The following CACNA2D3 variants were observed in gnomAD, a reference collection of about 807,000 sequenced individuals.
CACNA2D3 encodes calcium voltage-gated channel auxiliary subunit alpha2delta 3.
CACNA2D3 carries 60 observed loss-of-function variants against 160.6 expected under a neutral mutation model. The observed-to-expected ratio is 0.37, with a 90% confidence interval of 0.30 to 0.46. The LOEUF is 0.46. Among genes scored for constraint, CACNA2D3 ranks in the 20% least tolerant of loss-of-function variants. The pLI, the probability that CACNA2D3 is intolerant of heterozygous loss-of-function variation, is 1.00. For synonymous variants in CACNA2D3, 558 were observed against 492.9 expected, an observed-to-expected ratio of 1.13 and a Z score of -1.75; for missense variants, 1,205 against 1,365.0, an observed-to-expected ratio of 0.88 and a Z score of 1.85.
intron 10 of CACNA2D3, among the ~76,000 whole-genome samples, chr3:54,629,144 A>G (rs1699181628): frequency 6.6e-6 from 1 of 152,086 alleles, no homozygotes; most frequent in African/African-American, 2.4e-5. Flanking sequence ...ATGGAGCAAC[A>G]TCATCTTGAG....
At chr3:54,347,017 A>G (rs1259795200) in intron 3 of CACNA2D3, among the ~76,000 whole-genome samples, 1 of 152,266 alleles carries the variant, frequency 6.6e-6, no homozygotes, top group Non-Finnish European at 1.5e-5. Context: ...GATTCGGGCA[A>G]GTGGCTGACT....
intron 3 of CACNA2D3, among the ~76,000 whole-genome samples, chr3:54,384,355 A>G (rs894396611): frequency 3.9e-5 from 6 of 152,228 alleles, no homozygotes; most frequent in East Asian, 1.9e-4. Flanking sequence ...GTAAAGCTCA[A>G]TATGTAACTG....
chr3:54,205,298 G>T (rs1701254984), intron 2 of CACNA2D3, among the ~76,000 whole-genome samples: 1 of 152,034 alleles, frequency 6.6e-6, no homozygotes, highest in Non-Finnish European at 1.5e-5. Flanking sequence ...TCACCATATT[G>T]GCCAGGCTGG....
intron 27 of CACNA2D3, among the ~76,000 whole-genome samples, chr3:54,962,601 T>C (rs1163037976): frequency 6.6e-6 from 1 of 152,166 alleles, no homozygotes; most frequent in Non-Finnish European, 1.5e-5. Context: ...ACTCTATTGG[T>C]GGAGACAGAG....
At chr3:54,503,695 T>A (rs1438775295) in intron 5 of CACNA2D3, 41 bp downstream of exon 5, 1 of 1,588,070 alleles carries the variant, frequency 6.3e-7, no homozygotes, top group Non-Finnish European at 8.6e-7. Flanking sequence ...AGGTGAAGAA[T>A]CAGGGGGTTG....
chr3:54,458,656 T>A (rs1159129301), intron 4 of CACNA2D3, among the ~76,000 whole-genome samples: 1 of 152,068 alleles, frequency 6.6e-6, no homozygotes, highest in African/African-American at 2.4e-5. Flanking sequence ...AGAGGACCTT[T>A]TTGGTTGAAT....
Position 54,306,464 on chromosome 3 carries a change from G to T in CACNA2D3, c.205-13978G>T, listed in dbSNP as rs1703604685. On this transcript the variant is annotated intron_variant, in intron 2 of 37. Coordinates refer to ENST00000474759, the MANE Select transcript of CACNA2D3 (RefSeq NM_018398.3). Reference sequence around the variant, plus strand: ...CTCAACTCCAGGTTTCTATTTCCATGACTACCAACCTAAAATGTGTGAGGA... The same window carrying T: ...CTCAACTCCAGGTTTCTATTTCCATTACTACCAACCTAAAATGTGTGAGGA... 2.0e-5 allele frequency among the ~76,000 whole-genome samples: 3 copies of T among 152,312 alleles called. No homozygotes were observed. In the South Asian group the frequency reaches 6.2e-4, roughly 32 times the overall value.
intron 14 of CACNA2D3, among the ~76,000 whole-genome samples, chr3:54,819,794 G>A (rs1186037): frequency 1.3e-5 from 2 of 151,304 alleles, no homozygotes; most frequent in African/African-American, 2.4e-5. Context: ...GCAGTGAGCC[G>A]AGATCACACT....
At chr3:54,906,423 TC>T (rs568815619) in intron 27 of CACNA2D3, among the ~76,000 whole-genome samples, 298 of 152,240 alleles carry the variant, frequency 2.0e-3, no homozygotes, top group African/African-American at 6.8e-3. Flanking sequence ...TGAGAAGGCC[TC>T]CCTGATGAGG....
In CACNA2D3 at chr3:54,600,122, C is replaced by T. The variant is rs761085769; in HGVS notation, c.963+18245C>T. 5.6e-4 allele frequency among the ~76,000 whole-genome samples: 86 copies of T among 152,248 alleles called. 1 individual carries two copies. Among genetic ancestry groups the T allele is most frequent in the Middle Eastern group, 6.8e-3 (2 of 294 alleles). On this transcript the variant is annotated intron_variant, in intron 9 of 37. Coordinates refer to ENST00000474759, the MANE Select transcript of CACNA2D3 (RefSeq NM_018398.3). ...TCTTGCCAGAACGTTGCCAGTTCTGCGGTTTCAAGCAGTGTTCGACGCACC... is the reference window on the plus strand; with the variant it reads ...TCTTGCCAGAACGTTGCCAGTTCTGTGGTTTCAAGCAGTGTTCGACGCACC...
chr3:54,473,914 A>T (rs1700781811), intron 4 of CACNA2D3, among the ~76,000 whole-genome samples: 1 of 152,168 alleles, frequency 6.6e-6, no homozygotes, highest in South Asian at 2.1e-4. Context: ...GCTGGAGAGG[A>T]TATGGAGAAA....
chr3:54,779,564 C>T (rs1238341902), intron 13 of CACNA2D3, among the ~76,000 whole-genome samples: 1 of 152,162 alleles, frequency 6.6e-6, no homozygotes, highest in South Asian at 2.1e-4. Context: ...AGTGCCTCAC[C>T]ATCGCTGGCC....
rs1362642945 is a variant in CACNA2D3 at position 54,917,592 on chromosome 3, G to A, written c.2449+17724G>A. On this transcript the variant is annotated intron_variant, in intron 27 of 37. Transcript: ENST00000474759. ...ATGCACTCTGTGCGCTATGTATGCA[G>A]ATACAGATACACAAAAGTCATTATC... 4.6e-5 allele frequency among the ~76,000 whole-genome samples: 7 copies of A among 152,346 alleles called. No individual in the cohort carries two copies. In the East Asian group the frequency reaches 1.4e-3, roughly 29 times the overall value.
rs142596930 is a variant in CACNA2D3 at position 54,799,705 on chromosome 3, C to A, written c.1381-17148C>A. Among the ~76,000 whole-genome samples the A allele has an allele frequency of 3.4e-3, 516 of 152,288 alleles. 2 individuals are homozygous for A. The highest frequency in any genetic ancestry group is 0.01 in the African/African-American group (435 of 41,568). On this transcript the variant is annotated intron_variant, in intron 13 of 37. Transcript: ENST00000474759. ...TCAAGTTCTTTGGCTCCCATCTCCC[C>A]TGGTGAGGTTTTCCTTGGAGGACCA...
At chr3:55,004,483 C>A (rs185244541) in intron 31 of CACNA2D3, among the ~76,000 whole-genome samples, 1 of 152,338 alleles carries the variant, frequency 6.6e-6, no homozygotes, top group Non-Finnish European at 1.5e-5. Context: ...CATCCTTGTT[C>A]AGACCAAATG....
chr3:54,390,529 G>A (rs1223625349), intron 4 of CACNA2D3, among the ~76,000 whole-genome samples: 1 of 152,202 alleles, frequency 6.6e-6, no homozygotes, highest in Non-Finnish European at 1.5e-5. Context: ...AAGAGTAGAT[G>A]TTGAAATACT....
At chr3:54,964,796 G>T (rs1368480669) in intron 27 of CACNA2D3, among the ~76,000 whole-genome samples, 1 of 151,582 alleles carries the variant, frequency 6.6e-6, no homozygotes, top group Admixed American at 6.6e-5. Context: ...TTGCTTGTTT[G>T]TTGGGGGAGA....
chr3:54,737,930 T>C (rs181397055), intron 11 of CACNA2D3, among the ~76,000 whole-genome samples: 108 of 152,276 alleles, frequency 7.1e-4, no homozygotes, highest in Non-Finnish European at 1.4e-3. Flanking sequence ...CCTCCCAAAG[T>C]GCTGGAATTA....
intron 2 of CACNA2D3, among the ~76,000 whole-genome samples, chr3:54,291,760 C>T (rs190028496): frequency 3.0e-4 from 45 of 152,262 alleles, no homozygotes; most frequent in African/African-American, 1.0e-3. Flanking sequence ...GACATAGTTA[C>T]TCTAGGAATG....
Sources: gnomAD v4.1 joint callset for allele counts (sites outside exome capture counted in the v4.1 genomes callset) on GRCh38, gnomAD v4.1.1 for gene constraint, MANE v1.5 for transcripts, NCBI Gene and HGNC (gene_info 2026-07-23, HGNC 2026-07-21) for gene names.